Variants in PPP6C observed in about 807,000 individuals in gnomAD.
The protein encoded by PPP6C is protein phosphatase 6 catalytic subunit, also known as serine/threonine-protein phosphatase 6 catalytic subunit.
A neutral mutation model predicts 39.8 loss-of-function variants in PPP6C; 11 were observed. That is an observed-to-expected ratio of 0.28 (90% CI 0.17 to 0.46). The LOEUF is 0.46. Among genes scored for constraint, PPP6C ranks in the 20% least tolerant of loss-of-function variants. PPP6C has a pLI of 1.00. For missense variants in PPP6C, 211 were observed against 373.9 expected (o/e 0.56, Z 3.59); for synonymous variants, 129 against 130.3 (o/e 0.99, Z 0.07).
At chr9:125,184,630 C>T (rs913656796) in intron 1 of PPP6C, among the ~76,000 whole-genome samples, 1 of 151,658 alleles carries the variant, frequency 6.6e-6, no homozygotes, top group Non-Finnish European at 1.5e-5. Context: ...GTCAATAAAC[C>T]TTTACTGATT....
chr9:125,187,209 A>G (rs1452746558), intron 1 of PPP6C, among the ~76,000 whole-genome samples: 2 of 151,750 alleles, frequency 1.3e-5, no homozygotes, highest in African/African-American at 4.9e-5. Flanking sequence ...AGCCACCCAA[A>G]GTGCTGGGAT....
At position 125,167,842 on chromosome 9, in the gene PPP6C, G is replaced by C. The variant is rs1829058808; in HGVS notation, c.171+3243C>G. Reference sequence around the variant, plus strand: ...AGGAGTTTGAGATGGGGGGGGGGGGGGGGGGTATCATTTGGTTGCCCAGGC... The same window carrying C: ...AGGAGTTTGAGATGGGGGGGGGGGGCGGGGGTATCATTTGGTTGCCCAGGC... On this transcript the variant is annotated intron_variant, in intron 2 of 6. Coordinates refer to ENST00000373547, the MANE Select transcript of PPP6C (RefSeq NM_002721.5). Among the ~76,000 whole-genome samples the C allele has an allele frequency of 1.6e-5, 2 of 127,652 alleles. 1 individual carries two copies. The highest frequency in any genetic ancestry group is 5.8e-5 in the African/African-American group (2 of 34,638). The allele number at this position is 127,652 out of a possible 152,430, so 83.7% of individuals were successfully genotyped here.
rs982386309 is a variant in PPP6C at position 125,149,561 on chromosome 9, GGCA to G, written c.*109_*111del. On this transcript the variant is annotated 3_prime_UTR_variant, in exon 7 of 7. Transcript: ENST00000373547. ...AAAATTTAAAAAAAAAAAGGCAAGA[GGCA>G]GCATTTCAGCAGCAAAGTGCTCAAT... 6 of 1,220,616 alleles carry G rather than the reference GGCA, an allele frequency of 4.9e-6. No individual in the cohort carries two copies. In the Admixed American group the frequency reaches 1.5e-4, roughly 31 times the overall value. The allele number at this position is 1,220,616 out of a possible 1,614,324, so 75.6% of individuals were successfully genotyped here.
intron 1 of PPP6C, among the ~76,000 whole-genome samples, chr9:125,174,974 G>A (rs763941894): frequency 2.0e-5 from 3 of 151,148 alleles, no homozygotes; most frequent in Non-Finnish European, 4.4e-5. Flanking sequence ...TTGGGAGGCC[G>A]AGGCAGGTGG....
At chr9:125,165,794 G>GTTTTTT (rs1828999387) in intron 2 of PPP6C, among the ~76,000 whole-genome samples, 6 of 84,854 alleles carry the variant, frequency 7.1e-5, no homozygotes, top group South Asian at 6.9e-4. Flanking sequence ...GTAATCTTTT[G>GTTTTTT]CTTTTTTTTT....
intron 2 of PPP6C, among the ~76,000 whole-genome samples, chr9:125,164,642 G>T (rs1446856747): frequency 2.0e-5 from 3 of 151,984 alleles, no homozygotes; most frequent in Non-Finnish European, 4.4e-5. Flanking sequence ...TCACTATATT[G>T]CCCAGGTTGG....
intron 1 of PPP6C, among the ~76,000 whole-genome samples, chr9:125,187,032 C>T (rs748705763): frequency 3.0e-4 from 45 of 148,186 alleles, no homozygotes; most frequent in Non-Finnish European, 5.3e-4. Flanking sequence ...CTGCAACCTC[C>T]GCCTCCCTGG....
chr9:125,158,407 C>T (rs1836131972), intron 3 of PPP6C, 25 bp from the exon 4 acceptor site: 1 of 1,603,070 alleles, frequency 6.2e-7, no homozygotes, highest in African/African-American at 1.3e-5. Flanking sequence ...TTTACAGTTA[C>T]AAACAATACA....
intron 1 of PPP6C, among the ~76,000 whole-genome samples, chr9:125,176,608 G>C (rs1025995128): frequency 6.6e-6 from 1 of 152,194 alleles, no homozygotes; most frequent in Non-Finnish European, 1.5e-5. Context: ...AGTGAGGTGA[G>C]ACTGTGCCAC....
chr9:125,182,864 A>G (rs546045876), intron 1 of PPP6C, among the ~76,000 whole-genome samples: 2 of 151,722 alleles, frequency 1.3e-5, no homozygotes, highest in South Asian at 4.2e-4. Context: ...CCAGTTGAGA[A>G]CGACTGGTCT....
At chr9:125,189,357 A>G (rs1829611012) in intron 1 of PPP6C, among the ~76,000 whole-genome samples, 1 of 152,202 alleles carries the variant, frequency 6.6e-6, no homozygotes, top group Non-Finnish European at 1.5e-5. Flanking sequence ...TTCTAAATAA[A>G]GCTGTTACAG....
At chr9:125,186,883 A>C (rs1230421272) in intron 1 of PPP6C, among the ~76,000 whole-genome samples, 2 of 151,740 alleles carry the variant, frequency 1.3e-5, no homozygotes, top group Non-Finnish European at 2.9e-5. Flanking sequence ...GGTAAGAAGG[A>C]AATCTAATGT....
intron 3 of PPP6C, among the ~76,000 whole-genome samples, chr9:125,160,574 T>TAAGATGTG (rs1828845346): frequency 1.3e-5 from 2 of 152,206 alleles, no homozygotes; most frequent in African/African-American, 4.8e-5. Context: ...GCCATCCACA[T>TAAGATGTG]AAGATGTGAC....
intron 1 of PPP6C, among the ~76,000 whole-genome samples, chr9:125,171,476 C>CATATATATATATATAT (rs1171225348): frequency 5.2e-5 from 3 of 57,182 alleles, no homozygotes; most frequent in Non-Finnish European, 9.2e-5. Context: ...CACACACACA[C>CATATATATATATATAT]ACATATATAT....
chr9:125,169,094 A>C (rs1188649338), intron 2 of PPP6C, among the ~76,000 whole-genome samples: 3 of 152,206 alleles, frequency 2.0e-5, no homozygotes, highest in African/African-American at 7.2e-5. Context: ...AACATAAACA[A>C]TTGTTCACGG....
chr9:125,150,057 A>G (rs2131294107), intron 6 of PPP6C, 136 bp from the exon 7 acceptor site: 1 of 1,198,930 alleles, frequency 8.3e-7, no homozygotes, highest in Non-Finnish European at 1.1e-6. Context: ...ATTATCTCCA[A>G]CAATTTAATA....
chr9:125,167,396 A>AAAAAAAAAAAAAAAAG (rs1355880967), intron 2 of PPP6C, among the ~76,000 whole-genome samples: 1 of 143,630 alleles, frequency 7.0e-6, no homozygotes, highest in African/African-American at 2.7e-5. Flanking sequence ...AAAAAAAAAA[A>AAAAAAAAAAAAAAAAG]AAAGAAATAA....
intron 1 of PPP6C, among the ~76,000 whole-genome samples, chr9:125,175,282 T>G (rs1829271671): frequency 6.6e-6 from 1 of 152,002 alleles, no homozygotes; most frequent in African/African-American, 2.4e-5. Context: ...AGCCTTAAAC[T>G]TTATACTGAA....
intron 6 of PPP6C, among the ~76,000 whole-genome samples, 197 bp downstream of exon 6, chr9:125,153,336 A>G (rs1835996540): frequency 6.6e-6 from 1 of 152,198 alleles, no homozygotes; most frequent in Middle Eastern, 3.2e-3. Flanking sequence ...TGGATGCTGG[A>G]GTAGGTGCTT....
Sources: gnomAD v4.1 joint callset for allele counts (sites outside exome capture counted in the v4.1 genomes callset) on GRCh38, gnomAD v4.1.1 for gene constraint, MANE v1.5 for transcripts, NCBI Gene and HGNC (gene_info 2026-07-23, HGNC 2026-07-21) for gene names.